DLC1: variants seen among roughly 807,000 people sequenced by gnomAD.
The protein encoded by DLC1 is DLC1 Rho GTPase activating protein.
Under a neutral mutation model 140.3 loss-of-function variants are expected in DLC1, and 54 were observed. The ratio of observed to expected loss-of-function variants is 0.38; its 90% CI spans 0.31 to 0.48. The LOEUF (loss-of-function observed/expected upper bound fraction) is 0.48. DLC1 is among the 20% of genes least tolerant of loss of function. The pLI is 0.96. For synonymous variants in DLC1, 986 were observed against 728.1 expected (o/e 1.35, Z -5.70); for missense variants, 2,536 against 1,907.0 (o/e 1.33, Z -6.14).
rs566429577 is a variant in DLC1 at position 13,203,457 on chromosome 8, C to G, written c.1349-87800G>C. On this transcript the variant is annotated intron_variant, in intron 5 of 17. Coordinates refer to ENST00000276297, the MANE Select transcript of DLC1 (RefSeq NM_182643.3). The stretch of plus-strand genomic sequence containing the variant: ...AGAATTCTGTTGGAGATGAGTATTT[C>G]TAACCCTGGAAAGTTACCAAAAATG... Among the ~76,000 whole-genome samples the G allele has an allele frequency of 3.9e-5, 6 of 152,282 alleles. No homozygotes were observed. In the East Asian group the frequency reaches 1.2e-3, roughly 29 times the overall value.
chr8:13,327,523 T>G (rs1424836945), intron 4 of DLC1, among the ~76,000 whole-genome samples: 5 of 151,178 alleles, frequency 3.3e-5, no homozygotes, highest in Non-Finnish European at 7.4e-5. Context: ...TCTCATTATG[T>G]TGCCCTGGCT....
intron 6 of DLC1, among the ~76,000 whole-genome samples, chr8:13,114,395 T>C (rs1361364885): frequency 1.3e-5 from 2 of 152,174 alleles, no homozygotes; most frequent in Admixed American, 1.3e-4. Flanking sequence ...ACAGCCTATT[T>C]ATCTTGACAT....
At chr8:13,101,993 T>C (rs1340982888) in intron 8 of DLC1, among the ~76,000 whole-genome samples, 1 of 152,206 alleles carries the variant, frequency 6.6e-6, no homozygotes, top group East Asian at 1.9e-4. Context: ...CGCTGGCTTC[T>C]AGGACTCTTC....
chr8:13,098,296 TA>T, intron 10 of DLC1, 102 bp downstream of exon 10: 1 of 1,364,928 alleles, frequency 7.3e-7, no homozygotes, highest in Non-Finnish European at 1.0e-6. Flanking sequence ...TGAAATATAT[TA>T]ATAAAGGAGA....
intron 13 of DLC1, among the ~76,000 whole-genome samples, chr8:13,091,915 T>A (rs1026412528): frequency 1.4e-4 from 21 of 152,166 alleles, no homozygotes; most frequent in African/African-American, 4.6e-4. Context: ...TAGCTCTGTA[T>A]CCCATTGCAG....
chr8:13,511,847 T>C (rs1802380191), intron 1 of DLC1, among the ~76,000 whole-genome samples: 1 of 152,138 alleles, frequency 6.6e-6, no homozygotes, highest in Admixed American at 6.6e-5. Flanking sequence ...ACATCACTCA[T>C]TTTTCAAGAG....
chr8:13,160,285 A>T (rs1033618194), intron 5 of DLC1: 11 of 152,234 alleles, frequency 7.2e-5, no homozygotes, highest in Admixed American at 6.5e-4. Context: ...CTAAAAAAAT[A>T]AAAAAATTAA....
intron 5 of DLC1, among the ~76,000 whole-genome samples, chr8:13,135,867 T>C (rs1377056257): frequency 6.6e-6 from 1 of 152,246 alleles, no homozygotes; most frequent in Non-Finnish European, 1.5e-5. Context: ...TTTTCTAATT[T>C]CATTACATGT....
chr8:13,458,192 A>T (rs62492253), intron 2 of DLC1, among the ~76,000 whole-genome samples: 1,805 of 152,332 alleles, frequency 0.012, 12 homozygotes, highest in Middle Eastern at 0.048. Flanking sequence ...TATCTGAGAT[A>T]AAAATTTTTA....
At chr8:13,579,848 G>C (rs2117441309) in intron 1 of DLC1, among the ~76,000 whole-genome samples, 1 of 151,838 alleles carries the variant, frequency 6.6e-6, no homozygotes, top group East Asian at 1.9e-4. Flanking sequence ...TGAGTACCCA[G>C]TGTGCCCATA....
At chr8:13,487,448 C>G (rs1462939462) in intron 2 of DLC1, among the ~76,000 whole-genome samples, 1 of 152,142 alleles carries the variant, frequency 6.6e-6, no homozygotes, top group Non-Finnish European at 1.5e-5. Flanking sequence ...ACTTAGTACA[C>G]TGAACCTCAG....
chr8:13,282,063 G>A (rs1018328478), intron 5 of DLC1, among the ~76,000 whole-genome samples: 3 of 152,124 alleles, frequency 2.0e-5, no homozygotes, highest in Non-Finnish European at 4.4e-5. Context: ...ACATAGGGTG[G>A]GGACTCGTCC....
intron 16 of DLC1, among the ~76,000 whole-genome samples, chr8:13,086,823 AG>A (rs1197996778): frequency 6.6e-6 from 1 of 152,054 alleles, no homozygotes; most frequent in Non-Finnish European, 1.5e-5. Context: ...CAGGAGTTCA[AG>A]ACCAGCCTGG....
intron 5 of DLC1, among the ~76,000 whole-genome samples, chr8:13,145,859 G>A (rs113356305): frequency 8.0e-4 from 122 of 152,304 alleles, no homozygotes; most frequent in African/African-American, 2.8e-3. Context: ...CGCAAGCCAA[G>A]GAAACTGGTT....
At chr8:13,460,555 A>G (rs1799611915) in intron 2 of DLC1, among the ~76,000 whole-genome samples, 1 of 152,234 alleles carries the variant, frequency 6.6e-6, no homozygotes, top group Non-Finnish European at 1.5e-5. Context: ...CAAGGCAACA[A>G]GTGTCACCCT....
At chr8:13,510,188 T>C (rs77467094) in intron 1 of DLC1, among the ~76,000 whole-genome samples, 62 of 116,346 alleles carry the variant, frequency 5.3e-4, no homozygotes, top group African/African-American at 1.9e-3. Flanking sequence ...TTTTTTTTTT[T>C]CCTGAGATGA....
intron 4 of DLC1, among the ~76,000 whole-genome samples, chr8:13,321,863 C>G (rs78103624): frequency 6.6e-6 from 1 of 152,090 alleles, no homozygotes; most frequent in African/African-American, 2.4e-5. Context: ...CTATTTTCTA[C>G]GTGTCTGTTA....
intron 5 of DLC1, among the ~76,000 whole-genome samples, chr8:13,273,686 CTGTGTGTGTGTGTGTGTGTGTGTGTG>C (rs59265902): frequency 1.6e-5 from 1 of 62,504 alleles, no homozygotes; most frequent in Non-Finnish European, 3.0e-5. Context: ...AGAACTGTGC[CTGTGTGTGTGTGTGTGTGTGTGTGTG>C]TGTGTGTGTG....
chr8:13,550,848 A>G lies in DLC1; in HGVS notation c.-125-50652T>C, dbSNP rs142678192. ...CTCAGATTCTTGAAGTATCTTCCTT[A>G]GAACAGTAGCCCTTAATGGTGCTAT... On this transcript the variant is annotated intron_variant, in intron 1 of 1. Coordinates refer to the DLC1 transcript ENST00000631382. Among the ~76,000 whole-genome samples, 714 of 152,244 alleles carry G rather than the reference A, an allele frequency of 4.7e-3. 3 individuals are homozygous for G. Among genetic ancestry groups the G allele is most frequent in the African/African-American group, 0.016 (661 of 41,564 alleles).
Sources: allele counts gnomAD v4.1 joint callset (sites outside exome capture counted in the v4.1 genomes callset), GRCh38; gene constraint gnomAD v4.1.1; transcripts MANE v1.5; gene names NCBI Gene and HGNC (gene_info 2026-07-23, HGNC 2026-07-21).